Variants in NHS observed in about 807,000 individuals in gnomAD.
The protein encoded by NHS is NHS actin remodeling regulator, also known as actin remodeling regulator NHS.
Under a neutral mutation model 72.5 loss-of-function variants are expected in NHS, and 5 were observed. The observed-to-expected ratio is 0.07, with a 90% CI of 0.04 to 0.14. The LOEUF is 0.14. NHS is among the 10% of genes least tolerant of loss of function. NHS has a pLI of 1.00. For missense variants in NHS, 1,072 were observed against 1,355.7 expected, an observed-to-expected ratio of 0.79 and a Z score of 3.29; for synonymous variants, 464 against 547.7, an observed-to-expected ratio of 0.85 and a Z score of 2.13.
In NHS at chrX:17,514,315, C is replaced by T. The variant is rs1051324838; in HGVS notation, c.565+137993C>T. ...TGGGCACCATCTAATCAGCTGCCAGCGTGGCTAGAATAAAGCAGGCAGAAG... is the reference window on the plus strand; with the variant it reads ...TGGGCACCATCTAATCAGCTGCCAGTGTGGCTAGAATAAAGCAGGCAGAAG... On this transcript the variant is annotated intron_variant, in intron 1 of 8. Coordinates refer to ENST00000676302, the MANE Select transcript of NHS (RefSeq NM_001291867.2). 3.6e-5 allele frequency among the ~76,000 whole-genome samples: 4 copies of T among 112,415 alleles called. No individual in the cohort carries two copies. In the Admixed American group the frequency reaches 3.8e-4, roughly 11 times the overall value.
chrX:17,728,408 A>C, intron 7 of NHS, 80 bp downstream of exon 7: 1 of 953,474 alleles, frequency 1.0e-6, no homozygotes, highest in South Asian at 2.0e-5. Flanking sequence ...TCCCAATAAT[A>C]CGGTACAGCC....
intron 1 of NHS, among the ~76,000 whole-genome samples, chrX:17,437,325 G>A (rs1180119536): frequency 1.8e-5 from 2 of 111,995 alleles, no homozygotes; most frequent in Non-Finnish European, 3.8e-5. Context: ...AAAAGCACCA[G>A]GAAAACCTTT....
chrX:17,654,463 A>G (rs778347162), intron 1 of NHS, among the ~76,000 whole-genome samples: 2 of 112,764 alleles, frequency 1.8e-5, no homozygotes, highest in Non-Finnish European at 3.7e-5. Flanking sequence ...CTTGGGTTCT[A>G]GGTGATACTT....
At chrX:17,534,718 G>T (rs1206030262) in intron 1 of NHS, among the ~76,000 whole-genome samples, 2 of 112,040 alleles carry the variant, frequency 1.8e-5, no homozygotes, top group East Asian at 5.6e-4. Context: ...GGCCCTGGTT[G>T]TTTGATTCAG....
intron 1 of NHS, among the ~76,000 whole-genome samples, chrX:17,461,760 T>C (rs2064848585): frequency 8.8e-6 from 1 of 113,138 alleles, no homozygotes; most frequent in African/African-American, 3.2e-5. Flanking sequence ...CAGCAAACCT[T>C]TTGGGCTCAC....
intron 1 of NHS, among the ~76,000 whole-genome samples, chrX:17,519,959 A>T (rs1227253901): frequency 3.2e-5 from 1 of 31,693 alleles, no homozygotes; most frequent in African/African-American, 1.2e-4. Flanking sequence ...CCCCACCCCC[A>T]CCCCCATTTG....
At chrX:17,494,464 A>G (rs1191414387) in intron 1 of NHS, among the ~76,000 whole-genome samples, 2 of 112,242 alleles carry the variant, frequency 1.8e-5, no homozygotes, top group Non-Finnish European at 3.8e-5. Context: ...ATGCCATTTG[A>G]TATTTTTGAC....
chrX:17,376,197 G>A lies in NHS; in HGVS notation c.440G>A (p.Cys147Tyr). ...RQLSDVARHA[C>Y]SLFQELESDI... ...CTCTCGGACGTGGCCCGGCACGCTTGCAGCCTCTTCCAGGAGCTCGAGAGC... is the reference window on the plus strand; with the variant it reads ...CTCTCGGACGTGGCCCGGCACGCTTACAGCCTCTTCCAGGAGCTCGAGAGC... Residue 147 changes from cysteine to tyrosine, a missense_variant, in exon 1 of 9, where the codon TGC becomes TAC. Coordinates refer to ENST00000676302, the MANE Select transcript of NHS (RefSeq NM_001291867.2). The A allele has an allele frequency of 8.4e-7, 1 of 1,190,683 alleles. No individual in the cohort carries two copies. Among genetic ancestry groups the A allele is most frequent in the Non-Finnish European group, 1.1e-6 (1 of 890,910 alleles).
At chrX:17,588,415 C>T (rs1290728150) in intron 1 of NHS, among the ~76,000 whole-genome samples, 1 of 111,709 alleles carries the variant, frequency 9.0e-6, no homozygotes. Context: ...ATACAGTAAG[C>T]GCTGTAGTAC....
At chrX:17,554,065 ACTAAGGAGAAGAGCTAAGGAG>A (rs1292225502) in intron 1 of NHS, among the ~76,000 whole-genome samples, 4 of 112,278 alleles carry the variant, frequency 3.6e-5, no homozygotes, top group Non-Finnish European at 7.5e-5. Context: ...ACTCTCCCAC[ACTAAGGAGAAGAGCTAAGGAG>A]CTAAGGAGAA....
chrX:17,521,699 A>G (rs1312369646), intron 1 of NHS, among the ~76,000 whole-genome samples: 1 of 111,835 alleles, frequency 8.9e-6, no homozygotes, highest in Non-Finnish European at 1.9e-5. Context: ...TATCTATTAC[A>G]TCTAATGCAT....
chrX:17,529,222 G>GA (rs1433467238), intron 1 of NHS, among the ~76,000 whole-genome samples: 62 of 111,482 alleles, frequency 5.6e-4, no homozygotes, highest in African/African-American at 2.0e-3. Flanking sequence ...GCTGCTCATT[G>GA]AGTTATTTAA....
intron 8 of NHS, among the ~76,000 whole-genome samples, chrX:17,730,448 A>C (rs1195254802): frequency 8.9e-6 from 1 of 112,530 alleles, no homozygotes; most frequent in Non-Finnish European, 1.9e-5. Flanking sequence ...GCCCTAACTT[A>C]GTGGAGTGCC....
At chrX:17,534,116 G>GTGTGTT (rs1307676274) in intron 1 of NHS, among the ~76,000 whole-genome samples, 3 of 112,317 alleles carry the variant, frequency 2.7e-5, no homozygotes, top group East Asian at 5.6e-4. Context: ...GTGTGTGTGT[G>GTGTGTT]TGTGTGCATA....
intron 1 of NHS, among the ~76,000 whole-genome samples, chrX:17,567,900 A>C (rs1184831404): frequency 6.3e-5 from 7 of 111,378 alleles, no homozygotes; most frequent in African/African-American, 2.3e-4. Flanking sequence ...TGATTCAAGT[A>C]GTGATTTCAA....
At chrX:17,673,424 T>C (rs1051377924) in intron 1 of NHS, among the ~76,000 whole-genome samples, 9 of 111,432 alleles carry the variant, frequency 8.1e-5, no homozygotes, top group African/African-American at 2.9e-4. Flanking sequence ...CAGAAAGATC[T>C]TGGGCCTTGG....
chrX:17,624,310 T>C (rs1252848993), intron 1 of NHS, among the ~76,000 whole-genome samples: 12 of 112,478 alleles, frequency 1.1e-4, no homozygotes, highest in Non-Finnish European at 2.3e-4. Flanking sequence ...CGATTTCTTT[T>C]TTTACCCTTT....
In NHS at chrX:17,547,550, C is replaced by G. The variant is rs187182286; in HGVS notation, c.566-140192C>G. Among the ~76,000 whole-genome samples the G allele has an allele frequency of 2.7e-5, 3 of 112,324 alleles. No homozygotes were observed. The East Asian group carries it at 8.4e-4, about 31-fold the overall frequency. Reference sequence around the variant, plus strand: ...GGTGACCCATTTAACTTAGCATCTCCCATACAGTCCTGATTTTATATAGTT... The same window carrying G: ...GGTGACCCATTTAACTTAGCATCTCGCATACAGTCCTGATTTTATATAGTT... On this transcript the variant is annotated intron_variant, in intron 1 of 8. Coordinates refer to ENST00000676302, the MANE Select transcript of NHS (RefSeq NM_001291867.2).
intron 1 of NHS, among the ~76,000 whole-genome samples, chrX:17,664,713 A>G (rs2066001462): frequency 8.9e-6 from 1 of 112,330 alleles, no homozygotes; most frequent in Non-Finnish European, 1.9e-5. Flanking sequence ...TATACATTTT[A>G]GAATCAGCTT....
Sources: allele counts gnomAD v4.1 joint callset (sites outside exome capture counted in the v4.1 genomes callset), GRCh38; gene constraint gnomAD v4.1.1; transcripts MANE v1.5; gene names NCBI Gene and HGNC (gene_info 2026-07-23, HGNC 2026-07-21).